SLC5A4: variants seen among roughly 807,000 people sequenced by gnomAD.
SLC5A4 encodes the protein probable glucose sensor protein SLC5A4.
Under a neutral mutation model 70.3 loss-of-function variants are expected in SLC5A4, and 55 were observed. The observed-to-expected ratio is 0.78, with a 90% CI of 0.63 to 0.98. The LOEUF (loss-of-function observed/expected upper bound fraction) is 0.98, where lower values mean the gene tolerates loss of function less well. Ranked by LOEUF, SLC5A4 falls within the 50% of genes least tolerant of loss-of-function variation. The probability of loss-of-function intolerance (pLI) is 0.00; values close to 1 mark genes in which losing one functional copy is unlikely to be tolerated. For missense variants in SLC5A4, 735 were observed against 839.2 expected (o/e 0.88, Z 1.53); for synonymous variants, 268 against 305.7 (o/e 0.88, Z 1.29).
chr22:32,347,431 A>G, the SLC5A4 span, among the ~76,000 whole-genome samples: 1 of 152,156 alleles, frequency 6.6e-6, no homozygotes, highest in East Asian at 1.9e-4. Context: ...CACTATTAAC[A>G]ATAGCAAAGA....
chr22:32,239,683 G>A (rs1926396218), intron 5 of SLC5A4, among the ~76,000 whole-genome samples: 1 of 137,476 alleles, frequency 7.3e-6, no homozygotes, highest in Non-Finnish European at 1.5e-5. Context: ...TTTATTAAGG[G>A]CAAAACCACA....
the SLC5A4 span, among the ~76,000 whole-genome samples, chr22:32,338,231 A>ATTTG: frequency 6.6e-6 from 1 of 152,220 alleles, no homozygotes; most frequent in Non-Finnish European, 1.5e-5. Flanking sequence ...GTGGGGGATA[A>ATTTG]ATGTTGCTTC....
the SLC5A4 span, among the ~76,000 whole-genome samples, chr22:32,287,394 G>A: frequency 6.6e-6 from 1 of 152,166 alleles, no homozygotes; most frequent in Admixed American, 6.5e-5. Context: ...GAGGGTATGA[G>A]CTTTCACAAT....
chr22:32,312,353 A>ACACG, the SLC5A4 span, among the ~76,000 whole-genome samples: 1 of 95,430 alleles, frequency 1.0e-5, no homozygotes, highest in Non-Finnish European at 2.1e-5. Flanking sequence ...ACCCCAAATC[A>ACACG]CACGCGCGCG....
At chr22:32,289,116 A>T in the SLC5A4 span, among the ~76,000 whole-genome samples, 10 of 152,112 alleles carry the variant, frequency 6.6e-5, no homozygotes, top group African/African-American at 2.2e-4. Context: ...GTGGCTATCT[A>T]GTGTCTCTTA....
chr22:32,310,873 G>C, the SLC5A4 span, among the ~76,000 whole-genome samples: 246 of 152,348 alleles, frequency 1.6e-3, 1 homozygote, highest in African/African-American at 5.6e-3. Context: ...GGCATTGTTT[G>C]CACAGTGTGA....
At position 32,224,338 on chromosome 22, in the gene SLC5A4, C is replaced by G. The variant is rs752918102; in HGVS notation, c.1594G>C (p.Val532Leu). Residue 532 changes from valine (V) to leucine (L), a missense_variant, in exon 13 of 15, where the codon GTT becomes CTT. Val to Leu is a conservative substitution (Grantham distance 32). Coordinates refer to ENST00000266086, the MANE Select transcript of SLC5A4 (RefSeq NM_014227.3). ...CGVHYLYFSI[V>L]LFFGSMLVTL... is the part of the protein sequence containing the mutation. ...ACCAGCATGGACCCAAAAAAGAGAA[C>G]GATGGAAAAGTACAGATAGTGCACT... 1 of 1,614,094 alleles carries G rather than the reference C, an allele frequency of 6.2e-7. No homozygotes were observed. Among genetic ancestry groups the G allele is most frequent in the East Asian group, 2.2e-5 (1 of 44,872 alleles).
intron 14 of SLC5A4, among the ~76,000 whole-genome samples, chr22:32,218,995 A>G (rs534546274): frequency 4.7e-4 from 72 of 152,336 alleles, no homozygotes; most frequent in Admixed American, 1.4e-3. Context: ...TCTTTAATAT[A>G]TAATGGGTTT....
chr22:32,227,139 G>A (rs73395055), intron 11 of SLC5A4, among the ~76,000 whole-genome samples: 1 of 152,052 alleles, frequency 6.6e-6, no homozygotes, highest in African/African-American at 2.4e-5. Context: ...TATTCCACAA[G>A]GCAAGAATTT....
At chr22:32,340,117 C>T in the SLC5A4 span, among the ~76,000 whole-genome samples, 1 of 147,084 alleles carries the variant, frequency 6.8e-6, no homozygotes, top group Non-Finnish European at 1.5e-5. Context: ...AGCTGCTGTG[C>T]GTTTCCCAGG....
chr22:32,330,597 TGTA>T, the SLC5A4 span, among the ~76,000 whole-genome samples: 4 of 114,834 alleles, frequency 3.5e-5, no homozygotes, highest in East Asian at 3.1e-4. Context: ...TGTGTGTGTG[TGTA>T]GGAAACTGTT....
chr22:32,330,530 G>A, the SLC5A4 span, among the ~76,000 whole-genome samples: 1 of 126,392 alleles, frequency 7.9e-6, no homozygotes, highest in Non-Finnish European at 1.7e-5. Context: ...GTGTGTGTCT[G>A]TGTTGGGGGC....
the SLC5A4 span, among the ~76,000 whole-genome samples, chr22:32,305,302 CCGGG>C: frequency 1.3e-5 from 2 of 150,144 alleles, no homozygotes; most frequent in South Asian, 2.1e-4. Context: ...CTGACTGCTC[CCGGG>C]CTTGTAGTCT....
At chr22:32,325,627 C>G in the SLC5A4 span, among the ~76,000 whole-genome samples, 1 of 152,220 alleles carries the variant, frequency 6.6e-6, no homozygotes. Context: ...AAGATCATTC[C>G]TAATTCTCAA....
At chr22:32,270,128 C>T in the SLC5A4 span, 29 of 567,998 alleles carry the variant, frequency 5.1e-5, no homozygotes, top group Admixed American at 2.7e-4. Flanking sequence ...TGTCACAGGA[C>T]GACATGGACG....
chr22:32,351,737 T>TGGGGGGGGGGTGGGGGGGG, the SLC5A4 span, among the ~76,000 whole-genome samples: 1 of 2,638 alleles, frequency 3.8e-4, no homozygotes, highest in Non-Finnish European at 6.5e-4. Flanking sequence ...GTGGGGGCGG[T>TGGGGGGGGGGTGGGGGGGG]GGGGGGAGGG....
the SLC5A4 span, among the ~76,000 whole-genome samples, chr22:32,290,584 T>C: frequency 4.1e-3 from 626 of 152,358 alleles, 6 homozygotes; most frequent in African/African-American, 0.015. Context: ...TCCTTTTGGG[T>C]TGCTGTGACA....
At position 32,232,923 on chromosome 22, in the gene SLC5A4, T is replaced by C; in HGVS notation, c.997A>G (p.Met333Val). The change falls in exon 9 of 15, where the codon ATG (methionine) becomes GTG (valine). Residue 333 changes from methionine (M) to valine (V), a missense_variant. Met to Val is a conservative substitution (Grantham distance 21, BLOSUM62 1). Transcript: ENST00000266086. Reference sequence around the variant, plus strand: ...CCTGTGTACAGGATGCGGCTGATCATCCCCGGCATCACCATGAGGAACATG... The same window carrying C: ...CCTGTGTACAGGATGCGGCTGATCACCCCCGGCATCACCATGAGGAACATG... ...LPMFLMVMPG[M>V]ISRILYTDMV... 1 of 1,614,074 alleles carries C rather than the reference T, an allele frequency of 6.2e-7. No individual in the cohort carries two copies. Among genetic ancestry groups the C allele is most frequent in the Non-Finnish European group, 8.5e-7 (1 of 1,180,006 alleles).
the SLC5A4 span, among the ~76,000 whole-genome samples, chr22:32,339,773 C>G: frequency 1.3e-5 from 2 of 152,196 alleles, no homozygotes; most frequent in Admixed American, 6.5e-5. Context: ...TCGTTTAAAC[C>G]CCTGCCTGGT....
Sources: allele counts gnomAD v4.1 joint callset (sites outside exome capture counted in the v4.1 genomes callset), GRCh38; gene constraint gnomAD v4.1.1; transcripts MANE v1.5; gene names NCBI Gene and HGNC (gene_info 2026-07-23, HGNC 2026-07-21).